Variants in INSIG2 observed in about 807,000 individuals in gnomAD.
The protein encoded by INSIG2 is insulin-induced gene 2 protein.
In INSIG2, 10 loss-of-function variants were observed where a neutral mutation model predicts 27.2. That is an observed-to-expected ratio of 0.37 (90% confidence interval 0.23 to 0.62). INSIG2 has a LOEUF of 0.62. Among genes scored for constraint, INSIG2 ranks in the 20% least tolerant of loss-of-function variants. The pLI, the probability that INSIG2 is intolerant of heterozygous loss-of-function variation, is 0.65. For synonymous variants in INSIG2, 97 were observed against 95.8 expected, an observed-to-expected ratio of 1.01 and a Z score of -0.07; for missense variants, 178 against 270.2, an observed-to-expected ratio of 0.66 and a Z score of 2.39.
intron 3 of INSIG2, among the ~76,000 whole-genome samples, chr2:118,106,314 C>G (rs942478946): frequency 3.9e-5 from 6 of 152,202 alleles, no homozygotes; most frequent in Non-Finnish European, 7.3e-5. Flanking sequence ...TCAAGTAATT[C>G]TAAACCTGTT....
rs1323364561 is a variant in INSIG2 at position 118,093,860 on chromosome 2, TGATGAGGAG to T, written c.-138-2556_-138-2548del. ...GCTGAAAGCAACCAGATGATGATGA[TGATGAGGAG>T]GAGGAGGAGGAGGAGGAGAGTTCTG... On this transcript the variant is annotated intron_variant, in intron 1 of 5. Coordinates refer to ENST00000245787, the MANE Select transcript of INSIG2 (RefSeq NM_016133.4). Among the ~76,000 whole-genome samples, 11 of 75,620 alleles carry T rather than the reference TGATGAGGAG, an allele frequency of 1.5e-4. 1 individual carries two copies. Among genetic ancestry groups the T allele is most frequent in the African/African-American group, 4.1e-4 (9 of 21,696 alleles). 49.6% of individuals were successfully genotyped at this position (75,620 alleles called of 152,430 possible). A position where few individuals can be genotyped will look rare whatever the true frequency, so the allele number is the denominator to read the frequency against.
intron 2 of INSIG2, among the ~76,000 whole-genome samples, chr2:118,100,847 T>C (rs537287986): frequency 9.3e-4 from 141 of 152,326 alleles, no homozygotes; most frequent in Non-Finnish European, 1.5e-3. Flanking sequence ...TTAACTGTGT[T>C]CCTTTTAGTG....
At chr2:118,102,015 C>T (rs1024409894) in intron 2 of INSIG2, among the ~76,000 whole-genome samples, 12 of 152,174 alleles carry the variant, frequency 7.9e-5, no homozygotes, top group South Asian at 6.2e-4. Context: ...TGTTTTTCTT[C>T]GAAGAGTGAA....
intron 1 of INSIG2, among the ~76,000 whole-genome samples, chr2:118,094,089 AGATGAT>A (rs1172378307): frequency 1.5e-3 from 114 of 77,492 alleles, no homozygotes; most frequent in South Asian, 2.7e-3. Context: ...GAAAGCAACC[AGATGAT>A]GATGATGATG....
intron 1 of INSIG2, among the ~76,000 whole-genome samples, chr2:118,091,960 G>A (rs1372746328): frequency 6.6e-6 from 1 of 152,144 alleles, no homozygotes; most frequent in African/African-American, 2.4e-5. Context: ...TAAATGTTTT[G>A]CAATGCTTAG....
intron 1 of INSIG2, among the ~76,000 whole-genome samples, chr2:118,095,311 TG>T (rs1020379727): frequency 5.9e-5 from 9 of 152,330 alleles, no homozygotes; most frequent in African/African-American, 1.7e-4. Flanking sequence ...ATCAAATATG[TG>T]ACAGTTTGGG....
At chr2:118,106,216 A>T (rs1006258808) in intron 3 of INSIG2, among the ~76,000 whole-genome samples, 7 of 152,220 alleles carry the variant, frequency 4.6e-5, no homozygotes, top group Non-Finnish European at 4.4e-5. Flanking sequence ...CATTATTATA[A>T]AATGTGTCTG....
At chr2:118,098,611 T>C (rs925081514) in intron 2 of INSIG2, among the ~76,000 whole-genome samples, 3 of 152,252 alleles carry the variant, frequency 2.0e-5, no homozygotes, top group Non-Finnish European at 4.4e-5. Flanking sequence ...GCATTTGGGC[T>C]GGGGCAGGAG....
rs1275280588 is a variant in INSIG2, at chr2:118,108,689, A to C, written c.*367A>C. 6.3e-6 allele frequency: 1 copy of C among 159,940 alleles called. No homozygotes were observed. The highest frequency in any genetic ancestry group is 1.4e-5 in the Non-Finnish European group (1 of 73,020). The allele number at this position is 159,940 out of a possible 1,614,324, so 9.9% of individuals were successfully genotyped here. ...TTGTTCCTGTCATGCAGAGTATAAG[A>C]ATGCTTTGAACAATTTGTAGACTTA... On this transcript the variant is annotated 3_prime_UTR_variant, in exon 6 of 6. Coordinates refer to ENST00000245787, the MANE Select transcript of INSIG2 (RefSeq NM_016133.4).
rs1226727721 is a variant in INSIG2, at chr2:118,108,261, T to C, written c.637-20T>C. ...AAGAAGTCTTAATCTGTTAACCTTT[T>C]AACCTTTTAATTTTTGCAGTACGAA... On this transcript the variant is annotated intron_variant, in intron 5 of 5. Coordinates refer to ENST00000245787, the MANE Select transcript of INSIG2 (RefSeq NM_016133.4). The C allele has an allele frequency of 2.6e-6, 4 of 1,565,356 alleles. No homozygotes were observed. The highest frequency in any genetic ancestry group is 4.6e-5 in the East Asian group (2 of 43,716).
At chr2:118,100,753 ATTATC>A (rs1419548564) in intron 2 of INSIG2, among the ~76,000 whole-genome samples, 1 of 152,162 alleles carries the variant, frequency 6.6e-6, no homozygotes, top group Non-Finnish European at 1.5e-5. Flanking sequence ...GAAGGAAAAT[ATTATC>A]TTATAGTTTT....
At chr2:118,094,483 A>G (rs1441943563) in intron 1 of INSIG2, among the ~76,000 whole-genome samples, 1 of 152,204 alleles carries the variant, frequency 6.6e-6, no homozygotes. Flanking sequence ...GGTCTGCAGG[A>G]TCAGGTCAGG....
At chr2:118,101,475 T>C (rs1319610443) in intron 2 of INSIG2, among the ~76,000 whole-genome samples, 3 of 152,198 alleles carry the variant, frequency 2.0e-5, no homozygotes, top group Non-Finnish European at 2.9e-5. Context: ...CTCTATGTAA[T>C]AATTCTTTAC....
chr2:118,093,027 G>T (rs1678297800), intron 1 of INSIG2, among the ~76,000 whole-genome samples: 6 of 139,398 alleles, frequency 4.3e-5, no homozygotes, highest in Middle Eastern at 3.8e-3. Context: ...AGGAGGAGGA[G>T]GAGGAGGAGG....
At chr2:118,103,734 AAAG>A (rs957987014) in intron 3 of INSIG2, among the ~76,000 whole-genome samples, 10 of 152,098 alleles carry the variant, frequency 6.6e-5, no homozygotes, top group Middle Eastern at 3.2e-3. Context: ...TTCTTAACTT[AAAG>A]AAGCTTTTTT....
Position 118,097,590 on chromosome 2 carries a change from A to G in INSIG2, c.244+790A>G, listed in dbSNP as rs920883448. On this transcript the variant is annotated intron_variant, in intron 2 of 5. Transcript: ENST00000245787. ...AATGCATAGAGTAGAGCATTTCACA[A>G]TACTTTATTGCTGCCATACTTCCAC... is the stretch of plus-strand genomic sequence containing the variant. Among the ~76,000 whole-genome samples the G allele has an allele frequency of 3.3e-5, 5 of 152,308 alleles. No homozygotes were observed. The Middle Eastern group carries it at 0.014, about 414-fold the overall frequency.
intron 3 of INSIG2, among the ~76,000 whole-genome samples, chr2:118,105,570 A>C (rs902235908): frequency 6.6e-6 from 1 of 152,186 alleles, no homozygotes; most frequent in Non-Finnish European, 1.5e-5. Flanking sequence ...AAGCATACCC[A>C]TATGAACTGT....
chr2:118,093,660 TGATGAGGAG>T (rs1177302787), intron 1 of INSIG2, among the ~76,000 whole-genome samples: 3 of 50,640 alleles, frequency 5.9e-5, no homozygotes, highest in Admixed American at 2.0e-4. Context: ...CAGATGATGA[TGATGAGGAG>T]GAGGAGGAGG....
intron 1 of INSIG2, among the ~76,000 whole-genome samples, chr2:118,094,865 G>A (rs981695391): frequency 2.0e-5 from 3 of 152,190 alleles, no homozygotes; most frequent in South Asian, 4.1e-4. Flanking sequence ...GTTTGATACT[G>A]GAAAACTCAG....
Sources: gnomAD v4.1 joint callset for allele counts (sites outside exome capture counted in the v4.1 genomes callset) on GRCh38, gnomAD v4.1.1 for gene constraint, MANE v1.5 for transcripts, NCBI Gene and HGNC (gene_info 2026-07-23, HGNC 2026-07-21) for gene names.